The following ATP8A2 variants were observed in gnomAD, a reference collection of about 807,000 sequenced individuals.
ATP8A2 encodes the protein phospholipid-transporting ATPase IB.
In ATP8A2, 100 loss-of-function variants were observed where a neutral mutation model predicts 165.6. The observed-to-expected ratio is 0.60, with a 90% CI of 0.51 to 0.71. The LOEUF (loss-of-function observed/expected upper bound fraction) is 0.71, where lower values mean the gene tolerates loss of function less well. Ranked by LOEUF, ATP8A2 falls within the 30% of genes least tolerant of loss-of-function variation. The probability of loss-of-function intolerance (pLI) is 0.00; values close to 1 mark genes in which losing one functional copy is unlikely to be tolerated. For synonymous variants in ATP8A2, 543 were observed against 548.8 expected (o/e 0.99, Z 0.15); for missense variants, 1,227 against 1,479.5 (o/e 0.83, Z 2.80).
chr13:25,591,331 C>G (rs1374545734), intron 24 of ATP8A2: 1 of 456,660 alleles, frequency 2.2e-6, no homozygotes, highest in Non-Finnish European at 4.4e-6. Flanking sequence ...TACCTCATCC[C>G]CTGGCAGTCA....
At chr13:25,695,393 C>T (rs2042813868) in intron 24 of ATP8A2, among the ~76,000 whole-genome samples, 1 of 152,120 alleles carries the variant, frequency 6.6e-6, no homozygotes, top group Admixed American at 6.6e-5. Flanking sequence ...GTGGTTTTGG[C>T]AATTTCTCAA....
intron 33 of ATP8A2, among the ~76,000 whole-genome samples, chr13:25,959,536 G>A (rs773621248): frequency 4.6e-5 from 7 of 152,182 alleles, no homozygotes; most frequent in Non-Finnish European, 7.3e-5. Context: ...AGATGTGTAC[G>A]TGTGGGTGTA....
intron 24 of ATP8A2, among the ~76,000 whole-genome samples, chr13:25,590,412 G>A (rs2040038910): frequency 6.6e-6 from 1 of 152,160 alleles, no homozygotes; most frequent in African/African-American, 2.4e-5. Flanking sequence ...GTGACAGAGT[G>A]AGACTCTGTC....
intron 8 of ATP8A2, among the ~76,000 whole-genome samples, chr13:25,540,631 C>G (rs993323289): frequency 6.6e-6 from 1 of 152,138 alleles, no homozygotes; most frequent in Non-Finnish European, 1.5e-5. Context: ...ATTGAGTTCT[C>G]TGCCTGTGAT....
At chr13:25,383,458 T>C (rs2137935471) in intron 1 of ATP8A2, among the ~76,000 whole-genome samples, 1 of 152,308 alleles carries the variant, frequency 6.6e-6, no homozygotes, top group South Asian at 2.1e-4. Context: ...TTGTATATTT[T>C]GGATGCCAGT....
At chr13:25,883,783 T>C (rs752896050) in intron 33 of ATP8A2, among the ~76,000 whole-genome samples, 4 of 152,288 alleles carry the variant, frequency 2.6e-5, no homozygotes, top group South Asian at 2.1e-4. Context: ...CCTCCCAGTC[T>C]GCTGCACTGC....
rs1243261858 is a variant in ATP8A2 at position 26,022,582 on chromosome 13, A to G, written c.*2597A>G. 1 of 152,230 alleles carries G rather than the reference A, an allele frequency of 6.6e-6. No homozygotes were observed. Among genetic ancestry groups the G allele is most frequent in the Non-Finnish European group, 1.5e-5 (1 of 68,032 alleles). 9.4% of individuals were successfully genotyped at this position (152,230 alleles called of 1,614,324 possible). On this transcript the variant is annotated 3_prime_UTR_variant, in exon 37 of 37. Transcript: ENST00000381655. ...CTCTCATGTGGTTGAGCATTCTTAC[A>G]GCCAAATGACTAAATTGGCTGTAAA...
intron 35 of ATP8A2, among the ~76,000 whole-genome samples, chr13:25,991,987 G>A (rs1015375224): frequency 1.3e-5 from 2 of 150,402 alleles, no homozygotes; most frequent in Non-Finnish European, 2.9e-5. Context: ...CTGCACATTA[G>A]TGGAGGGTTA....
chr13:25,467,379 C>T (rs1361029535), intron 1 of ATP8A2, among the ~76,000 whole-genome samples: 4 of 152,306 alleles, frequency 2.6e-5, no homozygotes, highest in African/African-American at 9.6e-5. Context: ...AATATGTCAG[C>T]TTTCAGTAAA....
At position 25,424,128 on chromosome 13, in the gene ATP8A2, C is replaced by A. The variant is rs566780274; in HGVS notation, c.77-44849C>A. On this transcript the variant is annotated intron_variant, in intron 1 of 36. Coordinates refer to ENST00000381655, the MANE Select transcript of ATP8A2 (RefSeq NM_016529.6). ...ATAGAGCTGAGAAGGGGATCGTGGACCTTCTGTGACATGCTCAGGAGAAGA... is the reference window on the plus strand; with the variant it reads ...ATAGAGCTGAGAAGGGGATCGTGGAACTTCTGTGACATGCTCAGGAGAAGA... Among the ~76,000 whole-genome samples the A allele has an allele frequency of 2.6e-5, 4 of 152,238 alleles. No homozygotes were observed. In the East Asian group the frequency reaches 7.7e-4, roughly 29 times the overall value.
At chr13:25,692,596 A>G (rs9578906) in intron 24 of ATP8A2, among the ~76,000 whole-genome samples, 15,940 of 152,178 alleles carry the variant, frequency 0.1, 963 homozygotes, top group East Asian at 0.26. Flanking sequence ...CCACCTTTTG[A>G]ATCCTGGGTA....
chr13:25,681,480 T>C (rs1408902176), intron 24 of ATP8A2, among the ~76,000 whole-genome samples: 1 of 152,188 alleles, frequency 6.6e-6, no homozygotes, highest in African/African-American at 2.4e-5. Flanking sequence ...CTGTGTGTAC[T>C]CTCCAGTCCT....
chr13:25,380,148 G>A (rs998593977), intron 1 of ATP8A2, among the ~76,000 whole-genome samples: 2 of 152,136 alleles, frequency 1.3e-5, no homozygotes, highest in African/African-American at 2.4e-5. Context: ...TCAGAGAGAC[G>A]TGCAAGTCAT....
chr13:26,025,194 A>G lies in ATP8A2; in HGVS notation c.*5209A>G, dbSNP rs574482968. 52 of 150,826 alleles carry G rather than the reference A, an allele frequency of 3.4e-4. No homozygotes were observed. Among genetic ancestry groups the G allele is most frequent in the African/African-American group, 1.0e-3 (41 of 41,140 alleles). The allele number at this position is 150,826 out of a possible 1,614,324, so 9.3% of individuals were successfully genotyped here. On this transcript the variant is annotated 3_prime_UTR_variant, in exon 37 of 37. Transcript: ENST00000381655. ...TCATGGAATTTCTCTCCTTCCCTGC[A>G]CAGTAAAGACTTTTGGGTTTTCATG...
At chr13:25,877,929 A>T (rs181503863) in intron 33 of ATP8A2, among the ~76,000 whole-genome samples, 1 of 152,216 alleles carries the variant, frequency 6.6e-6, no homozygotes, top group Non-Finnish European at 1.5e-5. Context: ...ACCTGTGTAT[A>T]CAGAGAACCC....
At position 25,867,700 on chromosome 13, in the gene ATP8A2, G is replaced by A. The variant is rs376982855; in HGVS notation, c.3183+5292G>A. Among the ~76,000 whole-genome samples the A allele has an allele frequency of 6.6e-5, 10 of 152,154 alleles. No individual in the cohort carries two copies. The East Asian group carries it at 1.5e-3, about 23-fold the overall frequency. On this transcript the variant is annotated intron_variant, in intron 33 of 36. Transcript: ENST00000381655. ...TGAGCGGGTCAGGAAGCCTGAAGGA[G>A]ACACAGGGAGACACTTGCTGGGGGC... is the stretch of plus-strand genomic sequence containing the variant.
intron 2 of ATP8A2, among the ~76,000 whole-genome samples, chr13:25,500,188 G>A (rs2036810290): frequency 6.6e-6 from 1 of 152,124 alleles, no homozygotes; most frequent in African/African-American, 2.4e-5. Context: ...CTGTTTCCCT[G>A]GACTTGGAAG....
rs773757266 is a variant in ATP8A2 at position 25,578,806 on chromosome 13, A to G, written c.1783-9A>G. The G allele has an allele frequency of 1.0e-5, 15 of 1,505,932 alleles. No homozygotes were observed. Among genetic ancestry groups the G allele is most frequent in the African/African-American group, 5.5e-5 (4 of 72,824 alleles). 93.3% of individuals were successfully genotyped at this position (1,505,932 alleles called of 1,614,324 possible). On this transcript the variant is annotated splice_polypyrimidine_tract_variant and intron_variant, in intron 20 of 36. Transcript: ENST00000381655. Reference sequence around the variant, plus strand: ...GCTTTGCCAGTCACAATGTTTCCCTATTTTATAGGATAATGTGATTTTTGA... The same window carrying G: ...GCTTTGCCAGTCACAATGTTTCCCTGTTTTATAGGATAATGTGATTTTTGA...
At chr13:25,521,434 A>G (rs958366203) in intron 2 of ATP8A2, among the ~76,000 whole-genome samples, 1 of 152,144 alleles carries the variant, frequency 6.6e-6, no homozygotes, top group Non-Finnish European at 1.5e-5. Flanking sequence ...GAGGTCTTAT[A>G]CAAGAAAATC....
Sources: allele counts gnomAD v4.1 joint callset (sites outside exome capture counted in the v4.1 genomes callset), GRCh38; gene constraint gnomAD v4.1.1; transcripts MANE v1.5; gene names NCBI Gene and HGNC (gene_info 2026-07-23, HGNC 2026-07-21).